RANBP2: variants seen among roughly 807,000 people sequenced by gnomAD.
RANBP2 encodes RAN binding protein 2, also known as E3 SUMO-protein ligase RanBP2.
In RANBP2, 57 loss-of-function variants were observed where a neutral mutation model predicts 303.6. That is an observed-to-expected ratio of 0.19 (90% confidence interval 0.15 to 0.23). The LOEUF is 0.23. RANBP2 is among the 10% of genes least tolerant of loss of function. RANBP2 has a pLI of 1.00. For missense variants in RANBP2, 3,138 were observed against 3,780.8 expected (o/e 0.83, Z 4.46); for synonymous variants, 1,167 against 1,301.5 (o/e 0.90, Z 2.23).
chr2:108,783,519 G>A (rs1678405432), intron 28 of RANBP2, 77 bp from the exon 29 acceptor site: 3 of 1,094,080 alleles, frequency 2.7e-6, no homozygotes, highest in Non-Finnish European at 4.0e-6. Flanking sequence ...AGTTCTGTGT[G>A]TATTTTAATA....
the RANBP2 span, among the ~76,000 whole-genome samples, chr2:109,460,195 T>C: frequency 6.6e-6 from 1 of 152,250 alleles, no homozygotes; most frequent in East Asian, 1.9e-4. Context: ...TAAGGCATTC[T>C]GAAGTCCATG....
At chr2:108,924,771 C>T in the RANBP2 span, among the ~76,000 whole-genome samples, 2 of 152,224 alleles carry the variant, frequency 1.3e-5, no homozygotes, top group Non-Finnish European at 2.9e-5. Context: ...AGAGAAGCCA[C>T]GACAGCCAGT....
the RANBP2 span, chr2:108,910,757 G>C: frequency 6.2e-7 from 1 of 1,612,240 alleles, no homozygotes; most frequent in Non-Finnish European, 8.5e-7. Flanking sequence ...ATGGTGTGTG[G>C]AAGCCCTGGT....
At chr2:109,075,270 G>T in the RANBP2 span, among the ~76,000 whole-genome samples, 1 of 150,252 alleles carries the variant, frequency 6.7e-6, no homozygotes, top group Non-Finnish European at 1.5e-5. Context: ...TGTCCCACAG[G>T]CTGGAGTGCA....
chr2:109,245,050 C>G, the RANBP2 span, among the ~76,000 whole-genome samples: 6 of 152,262 alleles, frequency 3.9e-5, no homozygotes, highest in Non-Finnish European at 7.3e-5. Flanking sequence ...GTCCTGTTGT[C>G]TGGGCAGCCT....
the RANBP2 span, among the ~76,000 whole-genome samples, chr2:109,346,972 C>T: frequency 6.6e-6 from 1 of 152,286 alleles, no homozygotes; most frequent in African/African-American, 2.4e-5. Context: ...ACCCCTGCTC[C>T]TGGGCATGGC....
At chr2:109,431,973 G>A in the RANBP2 span, among the ~76,000 whole-genome samples, 9 of 152,190 alleles carry the variant, frequency 5.9e-5, no homozygotes, top group Admixed American at 3.9e-4. Context: ...AAGGGCCTCT[G>A]AGGTCTCTTC....
At chr2:109,509,384 C>T in the RANBP2 span, among the ~76,000 whole-genome samples, 1 of 152,278 alleles carries the variant, frequency 6.6e-6, no homozygotes, top group Non-Finnish European at 1.5e-5. Context: ...AATATATTCT[C>T]TCAAAGTGCT....
the RANBP2 span, among the ~76,000 whole-genome samples, chr2:109,182,178 T>G: frequency 2.0e-5 from 3 of 152,202 alleles, no homozygotes; most frequent in Middle Eastern, 6.8e-3. Flanking sequence ...TTATAAACAA[T>G]AGAAGTGTAT....
chr2:109,057,750 C>A, the RANBP2 span, among the ~76,000 whole-genome samples: 1 of 152,188 alleles, frequency 6.6e-6, no homozygotes, highest in Non-Finnish European at 1.5e-5. Context: ...GCAAAGCACC[C>A]CACCTCTTCC....
chr2:108,864,793 C>CAA, the RANBP2 span, among the ~76,000 whole-genome samples: 308 of 124,924 alleles, frequency 2.5e-3, 1 homozygote, highest in Admixed American at 3.3e-3. Context: ...GACTCCATCT[C>CAA]AAAAAAAAAA....
At chr2:109,482,145 C>A in the RANBP2 span, among the ~76,000 whole-genome samples, 1 of 152,116 alleles carries the variant, frequency 6.6e-6, no homozygotes, top group African/African-American at 2.4e-5. Context: ...AGTTGATTAC[C>A]CTGTGTCTCT....
At chr2:109,247,740 A>G in the RANBP2 span, among the ~76,000 whole-genome samples, 1 of 152,230 alleles carries the variant, frequency 6.6e-6, no homozygotes, top group African/African-American at 2.4e-5. Context: ...TTGCTGTATA[A>G]CAGAAACCCA....
At chr2:109,648,125 C>G in the RANBP2 span, among the ~76,000 whole-genome samples, 4 of 152,204 alleles carry the variant, frequency 2.6e-5, no homozygotes, top group Non-Finnish European at 5.9e-5. Context: ...ATGAGAGGCA[C>G]AGCCCCGCAG....
chr2:109,609,210 T>C, the RANBP2 span, among the ~76,000 whole-genome samples: 2 of 152,146 alleles, frequency 1.3e-5, no homozygotes, highest in East Asian at 1.9e-4. Context: ...CCTGGCTGCC[T>C]GCAAGCATTT....
chr2:108,740,612 G>C lies in RANBP2; in HGVS notation c.906G>C (p.Gln302His). 6.3e-7 allele frequency: 1 copy of C among 1,597,532 alleles called. No homozygotes were observed. The highest frequency in any genetic ancestry group is 8.5e-7 in the Non-Finnish European group (1 of 1,179,774). Residue 302 changes from glutamine (Q) to histidine (H), a missense_variant, in exon 7 of 29, where the codon CAG becomes CAC. Physicochemically the swap from Gln to His is conservative, Grantham distance 24. Transcript: ENST00000283195. ...HAGSLLLKMG[Q>H]HSSNVQWRAL... ...GTTCTCTGCTTTTGAAGATGGGTCA[G>C]CATAGTAGTAATGTTCAATGGCGAG...
chr2:109,751,557 G>C, the RANBP2 span, among the ~76,000 whole-genome samples: 2 of 135,252 alleles, frequency 1.5e-5, no homozygotes, highest in Non-Finnish European at 3.3e-5. Context: ...GGCTGTCTTA[G>C]AATTGTGTCT....
chr2:109,027,407 G>T, the RANBP2 span, among the ~76,000 whole-genome samples: 1 of 152,058 alleles, frequency 6.6e-6, no homozygotes, highest in Non-Finnish European at 1.5e-5. Flanking sequence ...AAGAGCTTTT[G>T]AAGCCATAAG....
chr2:109,634,433 CAGGAG>C, the RANBP2 span, among the ~76,000 whole-genome samples: 1 of 152,132 alleles, frequency 6.6e-6, no homozygotes, highest in Non-Finnish European at 1.5e-5. Flanking sequence ...CACTGAGGGC[CAGGAG>C]GCCAGGGAAT....
Sources: allele counts gnomAD v4.1 joint callset (sites outside exome capture counted in the v4.1 genomes callset), GRCh38; gene constraint gnomAD v4.1.1; transcripts MANE v1.5; gene names NCBI Gene and HGNC (gene_info 2026-07-23, HGNC 2026-07-21).